The following NOC3L variants were observed in gnomAD, a reference collection of about 807,000 sequenced individuals.
NOC3L encodes nucleolar complex protein 3 homolog.
Under a neutral mutation model 102.5 loss-of-function variants are expected in NOC3L, and 85 were observed. The ratio of observed to expected loss-of-function variants is 0.83; its 90% CI spans 0.70 to 0.99. The LOEUF (loss-of-function observed/expected upper bound fraction) is 0.99. Among genes scored for constraint, NOC3L ranks in the 50% least tolerant of loss-of-function variants. NOC3L has a pLI of 0.00. For missense variants in NOC3L, 878 were observed against 914.9 expected (o/e 0.96, Z 0.52); for synonymous variants, 303 against 309.4 (o/e 0.98, Z 0.22).
Position 94,349,286 on chromosome 10 carries a change from A to T in NOC3L, c.1221T>A (p.Gly407=). Residue 407 remains glycine, a synonymous_variant, in exon 10 of 21, where the codon GGT becomes GGA. Transcript: ENST00000371361. ...CTTCGTAATTTCTGCCCTTCACAAA[A>T]CCAGAAATCACTTTAATTACACCAA... is the stretch of plus-strand genomic sequence containing the variant. ...ASLGVIKVIS[G]FVKGRNYEVR... is the part of the protein sequence containing the mutation. The T allele has an allele frequency of 6.3e-7, 1 of 1,584,388 alleles. No individual in the cohort carries two copies. Among genetic ancestry groups the T allele is most frequent in the Non-Finnish European group, 8.5e-7 (1 of 1,171,318 alleles).
intron 13 of NOC3L, among the ~76,000 whole-genome samples, chr10:94,343,146 G>A (rs1409787038): frequency 6.6e-6 from 1 of 151,844 alleles, no homozygotes; most frequent in African/African-American, 2.4e-5. Context: ...ATAGGAGGGG[G>A]AGCTTGCAAT....
At chr10:94,345,055 AATAT>A in intron 11 of NOC3L, 122 bp from the exon 12 acceptor site, 1 of 611,600 alleles carries the variant, frequency 1.6e-6, no homozygotes, top group Non-Finnish European at 2.8e-6. Context: ...TATGAATGCA[AATAT>A]AAACAAAGTA....
chr10:94,360,247 C>A (rs2054537049), intron 2 of NOC3L, among the ~76,000 whole-genome samples: 1 of 151,950 alleles, frequency 6.6e-6, no homozygotes, highest in African/African-American at 2.4e-5. Context: ...ACTGGGGAGT[C>A]GGGGGTTGCA....
chr10:94,319,864 C>CTTT, the NOC3L span, among the ~76,000 whole-genome samples: 931 of 92,866 alleles, frequency 0.01, 33 homozygotes, highest in Non-Finnish European at 0.014. Context: ...CAAAGGTGCT[C>CTTT]TTTTTTTTTT....
chr10:94,356,735 C>A, intron 4 of NOC3L, 144 bp from the exon 5 acceptor site: 1 of 606,620 alleles, frequency 1.6e-6, no homozygotes, highest in Non-Finnish European at 2.9e-6. Flanking sequence ...GAGGTGAGCA[C>A]AAGGGAGGAT....
intron 16 of NOC3L, 33 bp downstream of exon 16, chr10:94,340,243 C>T (rs750867745): frequency 6.6e-7 from 1 of 1,514,952 alleles, no homozygotes; most frequent in South Asian, 1.2e-5. Flanking sequence ...AACATAAATA[C>T]ATATAAAAGA....
At chr10:94,316,573 A>C in the NOC3L span, 1 of 1,608,428 alleles carries the variant, frequency 6.2e-7, no homozygotes, top group Admixed American at 1.7e-5. Flanking sequence ...AAGACATCAA[A>C]CCTGTTACCA....
intron 11 of NOC3L, 132 bp downstream of exon 11, chr10:94,346,293 A>G: frequency 1.8e-6 from 1 of 566,006 alleles, no homozygotes; most frequent in Non-Finnish European, 2.8e-6. Context: ...AAAAGATAAA[A>G]TTCTCTAAAT....
chr10:94,341,767 A>T, intron 13 of NOC3L, 22 bp from the exon 14 acceptor site: 1 of 1,420,802 alleles, frequency 7.0e-7, no homozygotes, highest in Non-Finnish European at 9.6e-7. Context: ...CAAAACAGTT[A>T]ATCAGTGAAC....
intron 10 of NOC3L, among the ~76,000 whole-genome samples, chr10:94,346,814 A>G (rs969372456): frequency 6.6e-6 from 1 of 152,194 alleles, no homozygotes; most frequent in Non-Finnish European, 1.5e-5. Flanking sequence ...TTGCAGTTTA[A>G]TGAGTATAAG....
At chr10:94,350,476 C>T (rs1179853248) in intron 8 of NOC3L, among the ~76,000 whole-genome samples, 188 bp from the exon 9 acceptor site, 3 of 151,648 alleles carry the variant, frequency 2.0e-5, no homozygotes, top group African/African-American at 7.3e-5. Context: ...TTTGGGAGGC[C>T]AAGGTGGGCA....
At chr10:94,327,910 A>G in the NOC3L span, 1 of 503,904 alleles carries the variant, frequency 2.0e-6, no homozygotes, top group Admixed American at 2.1e-5. Context: ...GTATACCGCA[A>G]GTGTTTCTGT....
At position 94,344,873 on chromosome 10, in the gene NOC3L, T is replaced by C. The variant is rs1347284504; in HGVS notation, c.1450A>G (p.Thr484Ala). 2 of 1,608,964 alleles carry C rather than the reference T, an allele frequency of 1.2e-6. No homozygotes were observed. The highest frequency in any genetic ancestry group is 1.7e-6 in the Non-Finnish European group (2 of 1,178,794). The change falls in exon 12 of 21, where the codon ACT becomes GCT. Residue 484 changes from threonine to alanine, a missense_variant. Coordinates refer to ENST00000371361, the MANE Select transcript of NOC3L (RefSeq NM_022451.11). ...CCTACCAGTTTAAGTTTTTTCTCAG[T>C]ACTCTCTGAAGCTTCTGCCTCTCGA... Reference protein sequence around the residue: ...ELREAEASESTEKKLKLHTET... With the variant: ...ELREAEASESAEKKLKLHTET...
chr10:94,318,912 G>A, the NOC3L span, among the ~76,000 whole-genome samples: 1 of 152,152 alleles, frequency 6.6e-6, no homozygotes, highest in Admixed American at 6.5e-5. Context: ...GCAGGGCGTG[G>A]TAGCAGGCAC....
intron 20 of NOC3L, 135 bp from the exon 21 acceptor site, chr10:94,334,440 G>A: frequency 1.5e-6 from 1 of 666,970 alleles, no homozygotes; most frequent in South Asian, 1.9e-5. Context: ...TAAGGTCTTG[G>A]ACATATCCTA....
downstream of NOC3L, chr10:94,332,285 A>G (rs1017711557): frequency 5.3e-5 from 8 of 152,218 alleles, no homozygotes; most frequent in African/African-American, 1.9e-4. Context: ...TTTTGACACA[A>G]GTAATTCTAA....
At chr10:94,352,781 C>T (rs529785725) in intron 7 of NOC3L, 115 bp downstream of exon 7, 10 of 850,422 alleles carry the variant, frequency 1.2e-5, no homozygotes, top group Middle Eastern at 3.5e-4. Flanking sequence ...AAGATCACGC[C>T]ACTGCACTCT....
chr10:94,340,050 G>C (rs2054264576), intron 16 of NOC3L, 130 bp from the exon 17 acceptor site: 1 of 804,456 alleles, frequency 1.2e-6, no homozygotes, highest in African/African-American at 1.7e-5. Context: ...CAATGAGGTA[G>C]TGCTATACTG....
At chr10:94,345,594 C>A (rs534523180) in intron 11 of NOC3L, among the ~76,000 whole-genome samples, 1 of 152,248 alleles carries the variant, frequency 6.6e-6, no homozygotes, top group Non-Finnish European at 1.5e-5. Flanking sequence ...TGTTTCCTCA[C>A]CTCATCTATA....
Sources: gnomAD v4.1 joint callset for allele counts (sites outside exome capture counted in the v4.1 genomes callset) on GRCh38, gnomAD v4.1.1 for gene constraint, MANE v1.5 for transcripts, NCBI Gene and HGNC (gene_info 2026-07-23, HGNC 2026-07-21) for gene names.